PPP3R1: variants seen among roughly 807,000 people sequenced by gnomAD.
PPP3R1 encodes the protein protein phosphatase 3 regulatory subunit B, alpha, also known as calcineurin subunit B type 1.
Under a neutral mutation model 22.6 loss-of-function variants are expected in PPP3R1, and 5 were observed. That is an observed-to-expected ratio of 0.22 (90% CI 0.12 to 0.46). The LOEUF (loss-of-function observed/expected upper bound fraction) is 0.46, where lower values mean the gene tolerates loss of function less well. Among genes scored for constraint, PPP3R1 ranks in the 20% least tolerant of loss-of-function variants. The pLI is 0.99. For missense variants in PPP3R1, 61 were observed against 203.2 expected, an observed-to-expected ratio of 0.30 and a Z score of 4.25; for synonymous variants, 56 against 65.2, an observed-to-expected ratio of 0.86 and a Z score of 0.68.
rs370245514 is a variant in PPP3R1 at position 68,217,055 on chromosome 2, A to G, written c.43+37T>C. The G allele has an allele frequency of 8.8e-6, 13 of 1,483,578 alleles. No homozygotes were observed. In the African/African-American group the frequency reaches 1.8e-4, roughly 21 times the overall value. 91.9% of individuals were successfully genotyped at this position (1,483,578 alleles called of 1,614,324 possible). On this transcript the variant is annotated intron_variant, in intron 2 of 5. Coordinates refer to ENST00000234310, the MANE Select transcript of PPP3R1 (RefSeq NM_000945.4). Reference sequence around the variant, plus strand: ...ACACACACACAGAGAGAGATGAGTGAATAAAAGTAACTTTTGGTAACAAGA... The same window carrying G: ...ACACACACACAGAGAGAGATGAGTGGATAAAAGTAACTTTTGGTAACAAGA...
chr2:68,208,927 A>AT (rs11322366), intron 2 of PPP3R1, among the ~76,000 whole-genome samples: 13 of 149,336 alleles, frequency 8.7e-5, no homozygotes, highest in East Asian at 2.0e-4. Flanking sequence ...TAAAAAAAAA[A>AT]TTTTTTTTTT....
chr2:68,207,748 C>A (rs775124544), intron 2 of PPP3R1, among the ~76,000 whole-genome samples: 1 of 152,194 alleles, frequency 6.6e-6, no homozygotes, highest in Non-Finnish European at 1.5e-5. Context: ...CAGACCTCTG[C>A]ACCTCTTTCT....
chr2:68,186,522 T>C lies in PPP3R1; in HGVS notation c.411A>G (p.Ile137Met), dbSNP rs1480274583. ...TQLQQIVDKTIINADKDGDGR... is the reference protein window; with the variant it reads ...TQLQQIVDKTMINADKDGDGR... Reference sequence around the variant, plus strand: ...CATCTCCATCCTTATCTGCATTTATTATGGTTTTGTCTACAATTTGCTGTA... The same window carrying C: ...CATCTCCATCCTTATCTGCATTTATCATGGTTTTGTCTACAATTTGCTGTA... The change falls in exon 5 of 6, where the codon ATA (isoleucine) becomes ATG (methionine). Residue 137 changes from isoleucine (I) to methionine (M), a missense_variant. By Grantham distance (10) the Ile-to-Met change is conservative. Transcript: ENST00000234310. 2.5e-6 allele frequency: 4 copies of C among 1,613,536 alleles called. No homozygotes were observed. In the South Asian group the frequency reaches 4.4e-5, roughly 18 times the overall value.
intron 1 of PPP3R1, among the ~76,000 whole-genome samples, chr2:68,239,420 T>C (rs1670076793): frequency 1.3e-5 from 2 of 152,182 alleles, no homozygotes; most frequent in Non-Finnish European, 2.9e-5. Context: ...AGTATGACTG[T>C]ACAAGGTTTC....
chr2:68,207,103 A>AG lies in PPP3R1; in HGVS notation c.43+9988_43+9989insC, dbSNP rs1186131770. ...CTTCCAATAGTAAAGAGGTTTTGGG[A>AG]AAAAAAAAAGCAAAAAAAAAAAATT... On this transcript the variant is annotated intron_variant, in intron 2 of 5. Coordinates refer to ENST00000234310, the MANE Select transcript of PPP3R1 (RefSeq NM_000945.4). 8.9e-5 allele frequency among the ~76,000 whole-genome samples: 6 copies of AG among 67,628 alleles called. No individual in the cohort carries two copies. The East Asian group carries it at 3.4e-3, about 39-fold the overall frequency. 44.4% of individuals were successfully genotyped at this position (67,628 alleles called of 152,430 possible).
chr2:68,213,844 T>C (rs1669527932), intron 2 of PPP3R1, among the ~76,000 whole-genome samples: 1 of 152,150 alleles, frequency 6.6e-6, no homozygotes, highest in Non-Finnish European at 1.5e-5. Context: ...AAAATCCGTA[T>C]GGAACCAAAA....
At chr2:68,198,171 A>G (rs1674840924) in intron 2 of PPP3R1, among the ~76,000 whole-genome samples, 1 of 145,534 alleles carries the variant, frequency 6.9e-6, no homozygotes, top group African/African-American at 2.5e-5. Flanking sequence ...AAATATATAC[A>G]TACATGTATA....
chr2:68,233,829 AT>A (rs961577495), intron 1 of PPP3R1, among the ~76,000 whole-genome samples: 1 of 152,044 alleles, frequency 6.6e-6, no homozygotes, highest in Non-Finnish European at 1.5e-5. Flanking sequence ...AAGTTTCAAA[AT>A]TTTTTTTGTA....
chr2:68,236,668 C>T (rs965527186), intron 1 of PPP3R1, among the ~76,000 whole-genome samples: 4 of 152,126 alleles, frequency 2.6e-5, no homozygotes, highest in African/African-American at 9.7e-5. Flanking sequence ...CATCAGTAAT[C>T]TGGGACCATT....
rs942146495 is a variant in PPP3R1, at chr2:68,185,739, G to A, written c.465+729C>T. On this transcript the variant is annotated intron_variant, in intron 5 of 5. Coordinates refer to ENST00000234310, the MANE Select transcript of PPP3R1 (RefSeq NM_000945.4). ...AACGGAAGGGACAGAAATGGCTTGC[G>A]GTAGCGCCCCCTGGGGGTAGTTCAG... 7.2e-5 allele frequency among the ~76,000 whole-genome samples: 11 copies of A among 152,074 alleles called. No individual in the cohort carries two copies. In the South Asian group the frequency reaches 1.7e-3, roughly 23 times the overall value.
chr2:68,248,855 C>T (rs1022301960), intron 1 of PPP3R1, among the ~76,000 whole-genome samples: 1 of 152,160 alleles, frequency 6.6e-6, no homozygotes, highest in Admixed American at 6.5e-5. Flanking sequence ...GTGTACTATT[C>T]ATATGACACT....
At chr2:68,209,674 CTTGAGCCCCA>C (rs1395578833) in intron 2 of PPP3R1, among the ~76,000 whole-genome samples, 1 of 151,950 alleles carries the variant, frequency 6.6e-6, no homozygotes, top group African/African-American at 2.4e-5. Flanking sequence ...AGGAGAATCG[CTTGAGCCCCA>C]GTGAGCCAGG....
rs538421377 is a variant in PPP3R1, at chr2:68,230,282, C to T, written c.4-13151G>A. Among the ~76,000 whole-genome samples the T allele has an allele frequency of 4.6e-5, 7 of 152,316 alleles. No homozygotes were observed. The South Asian group carries it at 1.4e-3, about 32-fold the overall frequency. On this transcript the variant is annotated intron_variant, in intron 1 of 5. Coordinates refer to ENST00000234310, the MANE Select transcript of PPP3R1 (RefSeq NM_000945.4). ...TGCTGGGATTACAGGCGTAAGCCAC[C>T]ATGCCCGGCCTTCATTTCTGTTTTC...
intron 2 of PPP3R1, among the ~76,000 whole-genome samples, chr2:68,209,961 C>G (rs1416223947): frequency 6.6e-6 from 1 of 152,044 alleles, no homozygotes; most frequent in Non-Finnish European, 1.5e-5. Flanking sequence ...AAGAAATTGA[C>G]AAGTGTTTTG....
chr2:68,210,457 T>C (rs541479797), intron 2 of PPP3R1, among the ~76,000 whole-genome samples: 1 of 152,348 alleles, frequency 6.6e-6, no homozygotes, highest in African/African-American at 2.4e-5. Flanking sequence ...ATAAGAACTT[T>C]ATTTTACGCA....
chr2:68,252,447 A>C lies in PPP3R1; in HGVS notation c.-320T>G. On this transcript the variant is annotated 5_prime_UTR_variant, in exon 1 of 6. Coordinates refer to ENST00000234310, the MANE Select transcript of PPP3R1 (RefSeq NM_000945.4). ...GGAGAGGGGGCGAAGACGGCCGGGAAACTCGGGGGCTGCAGCCTCGCGCTC... is the reference window on the plus strand; with the variant it reads ...GGAGAGGGGGCGAAGACGGCCGGGACACTCGGGGGCTGCAGCCTCGCGCTC... 1.0e-6 allele frequency: 1 copy of C among 989,844 alleles called. No homozygotes were observed. The highest frequency in any genetic ancestry group is 6.1e-5 in the Admixed American group (1 of 16,376). The allele number at this position is 989,844 out of a possible 1,614,324, so 61.3% of individuals were successfully genotyped here. A position where few individuals can be genotyped will look rare whatever the true frequency, so the allele number is the denominator to read the frequency against.
intron 2 of PPP3R1, among the ~76,000 whole-genome samples, chr2:68,193,870 A>T (rs989209928): frequency 1.3e-5 from 2 of 152,136 alleles, no homozygotes; most frequent in African/African-American, 4.8e-5. Flanking sequence ...ACTGAAGAAC[A>T]AATTCTAACT....
Position 68,252,228 on chromosome 2 carries a change from T to G in PPP3R1, c.-101A>C. On this transcript the variant is annotated 5_prime_UTR_variant, in exon 1 of 6. Transcript: ENST00000234310. ...GGCGGCGGCGGCCCAGCTGCGGCCC[T>G]CGGGTCGCCGGCGGGGAGGGGGCGC... 8.9e-7 allele frequency: 1 copy of G among 1,128,682 alleles called. No individual in the cohort carries two copies. The highest frequency in any genetic ancestry group is 1.1e-6 in the Non-Finnish European group (1 of 912,834). 69.9% of individuals were successfully genotyped at this position (1,128,682 alleles called of 1,614,324 possible). A position where few individuals can be genotyped will look rare whatever the true frequency, so the allele number is the denominator to read the frequency against.
In PPP3R1 at chr2:68,188,524, T is replaced by A; in HGVS notation, c.210A>T (p.Val70=). The A allele has an allele frequency of 2.5e-6, 4 of 1,599,676 alleles. No individual in the cohort carries two copies. Among genetic ancestry groups the A allele is most frequent in the Non-Finnish European group, 2.6e-6 (3 of 1,174,112 alleles). The change falls in exon 3 of 6, where the codon GTA becomes GTT. Residue 70 remains valine, a synonymous_variant. Coordinates refer to ENST00000234310, the MANE Select transcript of PPP3R1 (RefSeq NM_000945.4). ...TAACTACTTTCTTACCTTTAAAGTC[T>A]ACTTCTCCATTCCCATCTGTGTCGA... ...DIFDTDGNGE[V]DFKEFIEGVS... is the part of the protein sequence containing the mutation.
Sources: gnomAD v4.1 joint callset for allele counts (sites outside exome capture counted in the v4.1 genomes callset) on GRCh38, gnomAD v4.1.1 for gene constraint, MANE v1.5 for transcripts, NCBI Gene and HGNC (gene_info 2026-07-23, HGNC 2026-07-21) for gene names.